Variants in CEP85L observed in about 807,000 individuals in gnomAD.
CEP85L encodes the protein centrosomal protein 85L.
CEP85L carries 60 observed loss-of-function variants against 100.3 expected under a neutral mutation model. That is an observed-to-expected ratio of 0.60 (90% CI 0.49 to 0.74). CEP85L has a LOEUF of 0.74. CEP85L is among the 30% of genes least tolerant of loss of function. The probability of loss-of-function intolerance (pLI) is 0.00; values close to 1 mark genes in which losing one functional copy is unlikely to be tolerated. For synonymous variants in CEP85L, 319 were observed against 322.7 expected, an observed-to-expected ratio of 0.99 and a Z score of 0.12; for missense variants, 973 against 936.2, an observed-to-expected ratio of 1.04 and a Z score of -0.51.
At chr6:118,605,863 A>T (rs1203317425) in intron 2 of CEP85L, among the ~76,000 whole-genome samples, 1 of 152,146 alleles carries the variant, frequency 6.6e-6, no homozygotes, top group Non-Finnish European at 1.5e-5. Context: ...ATACAAAAAA[A>T]ATTAGCCGGG....
chr6:118,663,482 T>G (rs1776037455), intron 1 of CEP85L, among the ~76,000 whole-genome samples: 1 of 152,166 alleles, frequency 6.6e-6, no homozygotes, highest in Non-Finnish European at 1.5e-5. Context: ...GTAATGTTAA[T>G]TGAAAAAAGG....
intron 3 of CEP85L, among the ~76,000 whole-genome samples, chr6:118,544,142 T>A (rs968331228): frequency 6.6e-6 from 1 of 152,200 alleles, no homozygotes; most frequent in African/African-American, 2.4e-5. Context: ...AAATTTAATA[T>A]GTCTGGAGAA....
intron 2 of CEP85L, among the ~76,000 whole-genome samples, chr6:118,576,880 A>C (rs1183624748): frequency 2.1e-5 from 3 of 142,204 alleles, no homozygotes; most frequent in Non-Finnish European, 4.6e-5. Flanking sequence ...GAATAGATTA[A>C]ATATTCCATC....
chr6:118,686,596 T>C (rs1277020537), intron 1 of CEP85L, among the ~76,000 whole-genome samples: 2 of 152,208 alleles, frequency 1.3e-5, no homozygotes, highest in Non-Finnish European at 2.9e-5. Flanking sequence ...GATAAACACA[T>C]TTTGTTTTTC....
At chr6:118,564,389 TTGAAAAATTAGG>T (rs1779386380) in intron 3 of CEP85L, among the ~76,000 whole-genome samples, 1 of 152,214 alleles carries the variant, frequency 6.6e-6, no homozygotes, top group Non-Finnish European at 1.5e-5. Context: ...TTGACAGTAT[TTGAAAAATTAGG>T]TTTCCTATTT....
At chr6:118,519,593 G>GGGGGGGGGGGGT (rs55731051) in intron 4 of CEP85L, among the ~76,000 whole-genome samples, 1 of 55,112 alleles carries the variant, frequency 1.8e-5, no homozygotes, top group Non-Finnish European at 3.7e-5. Flanking sequence ...GCGGGGGGGG[G>GGGGGGGGGGGGT]GTGTGAAACT....
intron 1 of CEP85L, among the ~76,000 whole-genome samples, chr6:118,662,359 G>A (rs1286703789): frequency 4.0e-5 from 6 of 151,878 alleles, no homozygotes; most frequent in Non-Finnish European, 5.9e-5. Context: ...GTGAAACTCC[G>A]TCTCTACTGA....
chr6:118,661,008 C>T (rs1775956995), intron 1 of CEP85L, among the ~76,000 whole-genome samples: 1 of 152,050 alleles, frequency 6.6e-6, no homozygotes, highest in Non-Finnish European at 1.5e-5. Context: ...GCCTCAGCCT[C>T]CCCAGTAGCT....
upstream of CEP85L, among the ~76,000 whole-genome samples, chr6:118,655,880 T>C (rs1426427164): frequency 9.2e-5 from 14 of 152,084 alleles, no homozygotes; most frequent in Admixed American, 2.6e-4. Flanking sequence ...ATTTTACAGA[T>C]GGGGAAAAAA....
intron 2 of CEP85L, among the ~76,000 whole-genome samples, chr6:118,584,219 G>A (rs1041807198): frequency 2.0e-5 from 3 of 152,178 alleles, no homozygotes; most frequent in Non-Finnish European, 4.4e-5. Flanking sequence ...AGCTAACAGA[G>A]AATATAAAGT....
chr6:118,579,156 A>G (rs550252276), intron 2 of CEP85L, among the ~76,000 whole-genome samples: 106 of 152,130 alleles, frequency 7.0e-4, no homozygotes, highest in Non-Finnish European at 1.2e-3. Flanking sequence ...TTGGCTTCCC[A>G]TAGTGTTGGG....
intron 2 of CEP85L, among the ~76,000 whole-genome samples, chr6:118,592,975 AG>A (rs779045770): frequency 2.7e-5 from 4 of 146,938 alleles, no homozygotes; most frequent in Admixed American, 6.8e-5. Context: ...TGGAAAAAAA[AG>A]AAAAAGATAG....
chr6:118,559,252 G>C, intron 3 of CEP85L: 1 of 660,340 alleles, frequency 1.5e-6, no homozygotes, highest in South Asian at 1.7e-5. Context: ...GTATTCATCT[G>C]TTGGATCTTG....
chr6:118,634,401 ATTATT>A (rs1168585227), intron 1 of CEP85L, among the ~76,000 whole-genome samples: 1 of 152,198 alleles, frequency 6.6e-6, no homozygotes, highest in African/African-American at 2.4e-5. Context: ...ACATTGTCAC[ATTATT>A]TTATTTAATG....
chr6:118,632,970 C>T lies in CEP85L; in HGVS notation c.74-359G>A, dbSNP rs114031406. On this transcript the variant is annotated intron_variant, in intron 1 of 12. Coordinates refer to ENST00000368491, the MANE Select transcript of CEP85L (RefSeq NM_001042475.3). ...TGGCATCTGTGATTATACATACATG[C>T]GTTAGCTGAAAATCAGGGCTCAGGA... 1.5e-3 allele frequency among the ~76,000 whole-genome samples: 233 copies of T among 152,162 alleles called. 1 individual carries two copies. The highest frequency in any genetic ancestry group is 5.3e-3 in the African/African-American group (219 of 41,516).
chr6:118,553,950 A>G (rs1478694037), intron 3 of CEP85L, among the ~76,000 whole-genome samples: 1 of 152,190 alleles, frequency 6.6e-6, no homozygotes, highest in East Asian at 1.9e-4. Context: ...TGTCCAACTA[A>G]CAAATTGTTA....
In CEP85L at chr6:118,608,443, G is replaced by A. The variant is rs569109199; in HGVS notation, c.232+24010C>T. Among the ~76,000 whole-genome samples, 20 of 151,970 alleles carry A rather than the reference G, an allele frequency of 1.3e-4. No individual in the cohort carries two copies. The Middle Eastern group carries it at 0.02, about 155-fold the overall frequency. On this transcript the variant is annotated intron_variant, in intron 2 of 12. Transcript: ENST00000368491. ...CCGGGAGGCAGAGGTTGCAGTGAGC[G>A]GAGATCGCACCACTGCACTCCAGCC...
chr6:118,616,928 G>C (rs377708884), intron 2 of CEP85L, among the ~76,000 whole-genome samples: 168 of 149,250 alleles, frequency 1.1e-3, no homozygotes, highest in African/African-American at 3.8e-3. Context: ...CTGGGCAAGA[G>C]AGCGAGACTC....
At chr6:118,640,898 G>A (rs1774822378) in intron 1 of CEP85L, among the ~76,000 whole-genome samples, 1 of 152,038 alleles carries the variant, frequency 6.6e-6, no homozygotes, top group African/African-American at 2.4e-5. Flanking sequence ...TTTTATTACT[G>A]TCCATGCATA....
Sources: gnomAD v4.1 joint callset for allele counts (sites outside exome capture counted in the v4.1 genomes callset) on GRCh38, gnomAD v4.1.1 for gene constraint, MANE v1.5 for transcripts, NCBI Gene and HGNC (gene_info 2026-07-23, HGNC 2026-07-21) for gene names.